The following CEACAM21 variants were observed in gnomAD, a reference collection of about 807,000 sequenced individuals.
CEACAM21 encodes cell adhesion molecule CEACAM21.
Under a neutral mutation model 33.2 loss-of-function variants are expected in CEACAM21, and 38 were observed. The ratio of observed to expected loss-of-function variants is 1.14; its 90% CI spans 0.88 to 1.50. The LOEUF (loss-of-function observed/expected upper bound fraction) is 1.50. Among genes scored for constraint, CEACAM21 ranks in the 40% most tolerant of loss-of-function variants. The pLI, the probability that CEACAM21 is intolerant of heterozygous loss-of-function variation, is 0.00. For synonymous variants in CEACAM21, 156 were observed against 143.0 expected (o/e 1.09, Z -0.65); for missense variants, 385 against 364.6 (o/e 1.06, Z -0.46).
chr19:41,560,518 C>A (rs2041818992), intron 1 of CEACAM21, among the ~76,000 whole-genome samples: 1 of 152,104 alleles, frequency 6.6e-6, no homozygotes, highest in South Asian at 2.1e-4. Flanking sequence ...ATAACTTTGA[C>A]CCCCAAACCA....
At chr19:41,585,147 C>A (rs142861498) in intron 4 of CEACAM21, among the ~76,000 whole-genome samples, 2 of 152,236 alleles carry the variant, frequency 1.3e-5, no homozygotes, top group East Asian at 3.9e-4. Context: ...TCTCAGGCAA[C>A]CCCTGGTGGT....
intron 1 of CEACAM21, among the ~76,000 whole-genome samples, chr19:41,552,760 ACT>A (rs1195912374): frequency 4.6e-5 from 7 of 152,094 alleles, no homozygotes; most frequent in African/African-American, 1.4e-4. Context: ...TCCCAGTAGC[ACT>A]CTCTGTTTCG....
chr19:41,559,597 T>G (rs912611721), intron 1 of CEACAM21, among the ~76,000 whole-genome samples: 2 of 151,960 alleles, frequency 1.3e-5, no homozygotes, highest in African/African-American at 2.4e-5. Context: ...GAAAAAAGAA[T>G]CAACAAGTCA....
intron 2 of CEACAM21, among the ~76,000 whole-genome samples, chr19:41,569,607 C>T (rs1555789008): frequency 2.6e-5 from 4 of 152,072 alleles, no homozygotes; most frequent in Non-Finnish European, 5.9e-5. Flanking sequence ...GGAGGGAGCA[C>T]TGTTCCCATC....
intron 6 of CEACAM21, chr19:41,586,171 C>A: frequency 1.7e-6 from 1 of 588,338 alleles, no homozygotes; most frequent in East Asian, 2.9e-5. Flanking sequence ...TACCCAGCAC[C>A]AGGGCAGCTG....
chr19:41,586,019 C>T (rs2070710040), intron 6 of CEACAM21, 148 bp downstream of exon 6: 2 of 798,904 alleles, frequency 2.5e-6, no homozygotes, highest in Non-Finnish European at 4.2e-6. Flanking sequence ...AGCTGGGCCT[C>T]TGTTCAGGGC....
chr19:41,576,202 G>A lies in CEACAM21; in HGVS notation c.-73G>A. On this transcript the variant is annotated 5_prime_UTR_variant, in exon 1 of 7. Coordinates refer to ENST00000401445, the MANE Select transcript of CEACAM21 (RefSeq NM_001098506.4). ...AAGGACAGCAGAGACAACAGTCACA[G>A]TAACCCTGTCTAGAGCGTTCCTGGA... 1 of 1,560,226 alleles carries A rather than the reference G, an allele frequency of 6.4e-7. No homozygotes were observed. Among genetic ancestry groups the A allele is most frequent in the Non-Finnish European group, 8.8e-7 (1 of 1,132,960 alleles).
intron 2 of CEACAM21, among the ~76,000 whole-genome samples, chr19:41,565,211 C>G (rs1313019931): frequency 1.3e-5 from 2 of 152,188 alleles, no homozygotes; most frequent in African/African-American, 2.4e-5. Flanking sequence ...CCCCCTTGCC[C>G]TCAGAGCCCG....
At chr19:41,586,241 A>G in intron 6 of CEACAM21, 1 of 526,348 alleles carries the variant, frequency 1.9e-6, no homozygotes, top group East Asian at 3.8e-5. Flanking sequence ...CCCCAGGGAG[A>G]CCCAGGATCT....
At chr19:41,581,005 G>A (rs1249510236) in intron 3 of CEACAM21, among the ~76,000 whole-genome samples, 1 of 152,220 alleles carries the variant, frequency 6.6e-6, no homozygotes, top group Non-Finnish European at 1.5e-5. Context: ...GGACTTTAGA[G>A]TCACATACCA....
chr19:41,566,438 A>G (rs928361382), intron 2 of CEACAM21, among the ~76,000 whole-genome samples: 1 of 152,240 alleles, frequency 6.6e-6, no homozygotes, highest in Non-Finnish European at 1.5e-5. Context: ...TAATTAAACA[A>G]GCGTTTTTCT....
At chr19:41,566,952 G>A (rs527427570) in intron 2 of CEACAM21, among the ~76,000 whole-genome samples, 1 of 152,178 alleles carries the variant, frequency 6.6e-6, no homozygotes, top group South Asian at 2.1e-4. Flanking sequence ...AGCTATTGTG[G>A]TATTCTCTGA....
intron 1 of CEACAM21, chr19:41,564,622 C>A (rs2042137336): frequency 6.6e-6 from 1 of 152,232 alleles, no homozygotes; most frequent in South Asian, 2.1e-4. Flanking sequence ...AACTACTGAT[C>A]CCCTCCCCTG....
chr19:41,578,562 T>G (rs995955092), intron 2 of CEACAM21, among the ~76,000 whole-genome samples: 5 of 152,194 alleles, frequency 3.3e-5, no homozygotes, highest in South Asian at 2.1e-4. Context: ...GGGGCATCTG[T>G]GGACCCCAGG....
At chr19:41,584,721 G>C (rs2070591117) in intron 4 of CEACAM21, among the ~76,000 whole-genome samples, 1 of 152,184 alleles carries the variant, frequency 6.6e-6, no homozygotes, top group Non-Finnish European at 1.5e-5. Flanking sequence ...CTGGAGCAGG[G>C]GGGAGCGGTG....
chr19:41,581,714 C>T (rs1039450032), intron 3 of CEACAM21, among the ~76,000 whole-genome samples: 17 of 152,140 alleles, frequency 1.1e-4, no homozygotes, highest in African/African-American at 3.6e-4. Context: ...CTTTCTAAAA[C>T]CATCAGATCT....
At chr19:41,573,033 G>T (rs529107933), upstream of CEACAM21, among the ~76,000 whole-genome samples, 2 of 152,286 alleles carry the variant, frequency 1.3e-5, no homozygotes, top group South Asian at 4.1e-4. Context: ...GTGCCAGGTA[G>T]ACCAAGCTTG....
At chr19:41,564,769 A>G (rs1157831417) in exon 2 of CEACAM21, 2 of 152,092 alleles carry the variant, frequency 1.3e-5, no homozygotes, top group African/African-American at 4.8e-5. Context: ...GCGCGTCACT[A>G]ATTAGACAAG....
chr19:41,564,197 C>T (rs1369611108), intron 1 of CEACAM21, among the ~76,000 whole-genome samples: 1 of 152,084 alleles, frequency 6.6e-6, no homozygotes, highest in Non-Finnish European at 1.5e-5. Context: ...CGCTTGCTGG[C>T]CACAAGCCAG....
Sources: gnomAD v4.1 joint callset for allele counts (sites outside exome capture counted in the v4.1 genomes callset) on GRCh38, gnomAD v4.1.1 for gene constraint, MANE v1.5 for transcripts, NCBI Gene and HGNC (gene_info 2026-07-23, HGNC 2026-07-21) for gene names.